The following MGAT5B variants were observed in gnomAD, a reference collection of about 807,000 sequenced individuals.
MGAT5B encodes the protein N-acetylglucosaminyl-transferase Vb.
In MGAT5B, 54 loss-of-function variants were observed where a neutral mutation model predicts 95.1. The observed-to-expected ratio is 0.57, with a 90% CI of 0.46 to 0.71. The LOEUF is 0.71. Ranked by LOEUF, MGAT5B falls within the 30% of genes least tolerant of loss-of-function variation. The pLI, the probability that MGAT5B is intolerant of heterozygous loss-of-function variation, is 0.00. For synonymous variants in MGAT5B, 464 were observed against 451.0 expected, an observed-to-expected ratio of 1.03 and a Z score of -0.36; for missense variants, 935 against 1,088.6, an observed-to-expected ratio of 0.86 and a Z score of 1.99.
intron 8 of MGAT5B, chr17:76,924,517 A>C (rs749868): frequency 8.7e-4 from 136 of 156,790 alleles, no homozygotes; most frequent in Non-Finnish European, 1.6e-3. Context: ...CCTGGGCGCC[A>C]GGAGCTCAGT....
rs762705947 is a variant in MGAT5B, at chr17:76,925,004, T to C, written c.1064T>C (p.Leu355Pro). 1.2e-6 allele frequency: 2 copies of C among 1,611,138 alleles called. No individual in the cohort carries two copies. Among genetic ancestry groups the C allele is most frequent in the South Asian group, 2.2e-5 (2 of 90,926 alleles). Residue 355 changes from leucine to proline, a missense_variant, in exon 9 of 18, where the codon CTC becomes CCC. Physicochemically the swap from Leu to Pro is moderately conservative, Grantham distance 98. Coordinates refer to ENST00000569840, the MANE Select transcript of MGAT5B (RefSeq NM_001199172.2). ...GVPPGRGSCP[L>P]TMPLPFDLIY... ...CCGCCAGGCCGGGGAAGCTGCCCGC[T>C]CACCATGCCCCTGCCCTTCGACCTC...
rs1046532313 is a variant in MGAT5B, at chr17:76,915,364, C to T, written c.1025+9177C>T. Among the ~76,000 whole-genome samples the T allele has an allele frequency of 1.3e-5, 2 of 150,012 alleles. No individual in the cohort carries two copies. Among genetic ancestry groups the T allele is most frequent in the African/African-American group, 5.1e-5 (2 of 39,394 alleles). On this transcript the variant is annotated intron_variant, in intron 8 of 17. Transcript: ENST00000569840. The surrounding 1 kb of genome is among the most constrained non-coding windows in gnomAD (Gnocchi z 8.7). ...TGGGCTGGGGGCCGGGGATCGGGCACTCCTCTCTGACGGTTTCTATTTTAT... is the reference window on the plus strand; with the variant it reads ...TGGGCTGGGGGCCGGGGATCGGGCATTCCTCTCTGACGGTTTCTATTTTAT...
Position 76,948,736 on chromosome 17 carries a change from T to G in MGAT5B, c.2277T>G (p.Pro759=). 6.2e-7 allele frequency: 1 copy of G among 1,612,866 alleles called. No homozygotes were observed. Among genetic ancestry groups the G allele is most frequent in the Non-Finnish European group, 8.5e-7 (1 of 1,179,684 alleles). The change falls in exon 18 of 18, where the codon CCT becomes CCG. Residue 759 remains proline (P), a synonymous_variant. Coordinates refer to ENST00000569840, the MANE Select transcript of MGAT5B (RefSeq NM_001199172.2). ...AGGAGTGCTACCTGCAGAAGGAGCC[T>G]CTGCTCTTCAGCTGCGCCGGCTCCA... The part of the protein sequence containing the change: ...PGQECYLQKE[P]LLFSCAGSNT...
At chr17:76,885,283 C>T (rs1464029899) in intron 3 of MGAT5B, among the ~76,000 whole-genome samples, 1 of 152,182 alleles carries the variant, frequency 6.6e-6, no homozygotes, top group Non-Finnish European at 1.5e-5. Context: ...CATCTTTCTC[C>T]CTCAGATCCA....
intron 8 of MGAT5B, among the ~76,000 whole-genome samples, chr17:76,908,524 C>A (rs368609106): frequency 3.3e-5 from 5 of 152,226 alleles, no homozygotes; most frequent in African/African-American, 1.2e-4. Flanking sequence ...ACCTCAGCCT[C>A]CCAAAGTGCT....
At chr17:76,892,257 AG>A (rs773525581) in intron 3 of MGAT5B, among the ~76,000 whole-genome samples, 1 of 152,216 alleles carries the variant, frequency 6.6e-6, no homozygotes, top group Non-Finnish European at 1.5e-5. Flanking sequence ...CATGTTGGCC[AG>A]GCTGGTCTCG....
At position 76,946,456 on chromosome 17, in the gene MGAT5B, T is replaced by A. The variant is rs1426435485; in HGVS notation, c.1923+6T>A. The A allele has an allele frequency of 6.3e-7, 1 of 1,580,092 alleles. No individual in the cohort carries two copies. The highest frequency in any genetic ancestry group is 1.2e-5 in the South Asian group (1 of 85,638). On this transcript the variant is annotated splice_donor_region_variant and intron_variant, in intron 16 of 17. Transcript: ENST00000569840. Reference sequence around the variant, plus strand: ...ACGCCTACATCCAGCACCAGGTCAGTGAGCCCTCTGGTCCCTGCCCCAGAT... The same window carrying A: ...ACGCCTACATCCAGCACCAGGTCAGAGAGCCCTCTGGTCCCTGCCCCAGAT...
intron 6 of MGAT5B, among the ~76,000 whole-genome samples, chr17:76,904,705 T>G (rs1353474490): frequency 6.6e-6 from 1 of 152,234 alleles, no homozygotes; most frequent in African/African-American, 2.4e-5. Context: ...TGTCACTTAT[T>G]GAGGGTTTTC....
Position 76,917,471 on chromosome 17 carries a change from C to T in MGAT5B, c.1026-7495C>T, listed in dbSNP as rs1968979027. Among the ~76,000 whole-genome samples, 1 of 152,142 alleles carries T rather than the reference C, an allele frequency of 6.6e-6. No homozygotes were observed. On this transcript the variant is annotated intron_variant, in intron 8 of 17. Coordinates refer to ENST00000569840, the MANE Select transcript of MGAT5B (RefSeq NM_001199172.2). The surrounding 1 kb of genome is among the most constrained non-coding windows in gnomAD (Gnocchi z 6.1). ...TCCATTTTGAGATTATTTAGGATCA[C>T]AAAACACTATCCTATATCACCACCT...
At chr17:76,895,369 A>G (rs1381534686) in intron 3 of MGAT5B, among the ~76,000 whole-genome samples, 2 of 152,160 alleles carry the variant, frequency 1.3e-5, no homozygotes, top group South Asian at 2.1e-4. Context: ...ATATACTTGA[A>G]TCATCCTGAA....
At chr17:76,932,066 T>TTCC (rs1358129738) in intron 10 of MGAT5B, among the ~76,000 whole-genome samples, 15 of 137,678 alleles carry the variant, frequency 1.1e-4, no homozygotes, top group Admixed American at 5.5e-4. Context: ...TCCTCCTTTT[T>TTCC]TCCTCCTCCT....
rs1966890804 is a variant in MGAT5B, at chr17:76,868,876, C to T, written c.-154C>T. The T allele has an allele frequency of 1.7e-6, 1 of 593,512 alleles. No homozygotes were observed. Among genetic ancestry groups the T allele is most frequent in the Non-Finnish European group, 2.8e-6 (1 of 360,826 alleles). The allele number at this position is 593,512 out of a possible 1,614,324, so 36.8% of individuals were successfully genotyped here. A position where few individuals can be genotyped will look rare whatever the true frequency, so the allele number is the denominator to read the frequency against. ...CCGCTCCCTCCGCTGCACGCCCAGG[C>T]CTGAGCAGCGAGGCCACCGGGCCGC... On this transcript the variant is annotated 5_prime_UTR_variant, in exon 1 of 18. Transcript: ENST00000569840. This position sits in a 1 kb window ranked among gnomAD's most constrained non-coding sequence, Gnocchi z 6.3.
chr17:76,896,298 A>G (rs1204658671), intron 3 of MGAT5B, among the ~76,000 whole-genome samples: 1 of 152,244 alleles, frequency 6.6e-6, no homozygotes. Context: ...GTCCAGTATA[A>G]TAATAGTGAT....
chr17:76,932,034 TTCC>T (rs1351579810), intron 10 of MGAT5B, among the ~76,000 whole-genome samples: 3 of 150,422 alleles, frequency 2.0e-5, no homozygotes, highest in South Asian at 2.1e-4. Context: ...CCTCCTCCTG[TTCC>T]TCCTCCTCCT....
chr17:76,932,748 G>A lies in MGAT5B; in HGVS notation c.1395G>A (p.Val465=), dbSNP rs1166249837. 3.7e-6 allele frequency: 6 copies of A among 1,613,714 alleles called. No individual in the cohort carries two copies. Among genetic ancestry groups the A allele is most frequent in the Admixed American group, 3.3e-5 (2 of 59,990 alleles). Reference sequence around the variant, plus strand: ...GCAAGGCCAGCAACATGGCCGTGGTGTACGGCAAGGAGGCGAGCATCTGGA... The same window carrying A: ...GCAAGGCCAGCAACATGGCCGTGGTATACGGCAAGGAGGCGAGCATCTGGA... ...KGGKASNMAV[V]YGKEASIWKL... The change falls in exon 11 of 18, where the codon GTG becomes GTA. Residue 465 remains valine, a synonymous_variant. Coordinates refer to ENST00000569840, the MANE Select transcript of MGAT5B (RefSeq NM_001199172.2).
In MGAT5B at chr17:76,916,032, G is replaced by A. The variant is rs542796999; in HGVS notation, c.1026-8934G>A. ...CAGGCGCCGGCATGCCGAGTGTGGCGGGGTCACGTTGAGTGCCGCCAAATG... is the reference window on the plus strand; with the variant it reads ...CAGGCGCCGGCATGCCGAGTGTGGCAGGGTCACGTTGAGTGCCGCCAAATG... On this transcript the variant is annotated intron_variant, in intron 8 of 17. Transcript: ENST00000569840. The surrounding 1 kb of genome is among the most constrained non-coding windows in gnomAD (Gnocchi z 5.3). 4.5e-4 allele frequency among the ~76,000 whole-genome samples: 68 copies of A among 152,344 alleles called. No individual in the cohort carries two copies. In the South Asian group the frequency reaches 6.6e-3, roughly 15 times the overall value.
chr17:76,897,715 TTC>T lies in MGAT5B; in HGVS notation c.330-4838_330-4837del, dbSNP rs1773922140. On this transcript the variant is annotated intron_variant, in intron 3 of 17. Transcript: ENST00000569840. ...TTTCTTTCTTTCTTTCTTTCTTTCT[TTC>T]TTTCTTTCTTTTTCTTTTTTTTTTT... Among the ~76,000 whole-genome samples the T allele has an allele frequency of 8.9e-4, 99 of 111,496 alleles. No individual in the cohort carries two copies. The East Asian group carries it at 0.012, about 13-fold the overall frequency. 73.1% of individuals were successfully genotyped at this position (111,496 alleles called of 152,430 possible).
At chr17:76,902,119 T>G (rs1474559672) in intron 3 of MGAT5B, among the ~76,000 whole-genome samples, 1 of 151,952 alleles carries the variant, frequency 6.6e-6, no homozygotes, top group East Asian at 1.9e-4. Context: ...TGTGCATATG[T>G]GGGGACATGT....
intron 10 of MGAT5B, among the ~76,000 whole-genome samples, chr17:76,927,685 C>T (rs967357593): frequency 6.6e-5 from 10 of 152,340 alleles, no homozygotes; most frequent in East Asian, 3.9e-4. Context: ...CCCTTCTGGA[C>T]GGCAGAGGTG....
Sources: allele counts gnomAD v4.1 joint callset (sites outside exome capture counted in the v4.1 genomes callset), GRCh38; gene constraint gnomAD v4.1.1; non-coding constraint Gnocchi (gnomAD v3.1); transcripts MANE v1.5; gene names NCBI Gene and HGNC (gene_info 2026-07-23, HGNC 2026-07-21).